The following BAIAP2L2 variants were observed in gnomAD, a reference collection of about 807,000 sequenced individuals.
The protein encoded by BAIAP2L2 is BAR/IMD domain-containing adapter protein 2-like 2.
A neutral mutation model predicts 60.4 loss-of-function variants in BAIAP2L2; 65 were observed. That is an observed-to-expected ratio of 1.08 (90% CI 0.88 to 1.32). The LOEUF is 1.32. Among genes scored for constraint, BAIAP2L2 ranks in the 40% most tolerant of loss-of-function variants. BAIAP2L2 has a pLI of 0.00. For synonymous variants in BAIAP2L2, 344 were observed against 301.7 expected (o/e 1.14, Z -1.45); for missense variants, 836 against 741.2 (o/e 1.13, Z -1.48).
At chr22:38,102,683 A>T (rs1165461195) in intron 4 of BAIAP2L2, among the ~76,000 whole-genome samples, 2 of 152,166 alleles carry the variant, frequency 1.3e-5, no homozygotes, top group Admixed American at 6.5e-5. Flanking sequence ...GCTTGAGGCC[A>T]GGAGTTCAAG....
chr22:38,102,786 T>C (rs1408109193), intron 4 of BAIAP2L2, among the ~76,000 whole-genome samples: 2 of 151,704 alleles, frequency 1.3e-5, no homozygotes, highest in East Asian at 3.9e-4. Flanking sequence ...ACACCTGTAA[T>C]CCCAGCACTC....
intron 4 of BAIAP2L2, among the ~76,000 whole-genome samples, chr22:38,102,855 C>T (rs540087539): frequency 3.8e-4 from 57 of 151,798 alleles, no homozygotes; most frequent in Admixed American, 1.3e-3. Context: ...CTGGCTAACA[C>T]GGTGAAATCC....
Position 38,086,179 on chromosome 22 carries a change from G to A in BAIAP2L2, c.1467+63C>T, listed in dbSNP as rs1306988413. The A allele has an allele frequency of 3.3e-6, 5 of 1,527,208 alleles. No homozygotes were observed. In the East Asian group the frequency reaches 1.2e-4, roughly 36 times the overall value. The allele number at this position is 1,527,208 out of a possible 1,614,324, so 94.6% of individuals were successfully genotyped here. On this transcript the variant is annotated intron_variant, in intron 12 of 13. Transcript: ENST00000381669. ...CAGACAGCCGGTGACAGAGCCTCGG[G>A]ATCCCTGCTCTCCTGCCTCCCTGCC...
chr22:38,106,897 G>A (rs1055964011), intron 4 of BAIAP2L2, among the ~76,000 whole-genome samples: 3 of 152,172 alleles, frequency 2.0e-5, no homozygotes, highest in Non-Finnish European at 2.9e-5. Flanking sequence ...CTGGAGCTAC[G>A]GAGAGGAAGG....
Position 38,109,156 on chromosome 22 carries a change from T to C in BAIAP2L2, c.104A>G (p.Asn35Ser), listed in dbSNP as rs1377619884. ...ACCGTGGAAGGCACGCAGGTAGTTG[T>C]TGCCCAGGTACACCAGGTTCTCCAG... is the stretch of plus-strand genomic sequence containing the variant. ...PALENLVYLG[N>S]NYLRAFHALS... Residue 35 changes from asparagine (N) to serine (S), a missense_variant, in exon 2 of 14, where the codon AAC (asparagine) becomes AGC (serine). Coordinates refer to ENST00000381669, the MANE Select transcript of BAIAP2L2 (RefSeq NM_025045.6). 3 of 1,613,144 alleles carry C rather than the reference T, an allele frequency of 1.9e-6. No individual in the cohort carries two copies. The highest frequency in any genetic ancestry group is 2.7e-5 in the African/African-American group (2 of 74,944).
intron 4 of BAIAP2L2, among the ~76,000 whole-genome samples, chr22:38,100,234 T>C (rs1243530838): frequency 1.3e-5 from 2 of 152,194 alleles, no homozygotes; most frequent in Non-Finnish European, 2.9e-5. Context: ...CTAGTGTGAA[T>C]GTCACAGCAC....
chr22:38,099,530 T>A (rs1402511329), intron 4 of BAIAP2L2, among the ~76,000 whole-genome samples: 12 of 150,670 alleles, frequency 8.0e-5, no homozygotes, highest in Admixed American at 7.9e-4. Flanking sequence ...TGAAACTCTG[T>A]CTCAAAAGAA....
chr22:38,100,119 C>T (rs1170163999), intron 4 of BAIAP2L2, among the ~76,000 whole-genome samples: 1 of 152,124 alleles, frequency 6.6e-6, no homozygotes, highest in Non-Finnish European at 1.5e-5. Flanking sequence ...CAGAGTGATA[C>T]AACGGTGAAC....
chr22:38,109,768 C>A lies in BAIAP2L2; in HGVS notation c.52-560G>T, dbSNP rs974476230. On this transcript the variant is annotated intron_variant, in intron 1 of 13. Coordinates refer to ENST00000381669, the MANE Select transcript of BAIAP2L2 (RefSeq NM_025045.6). ...TGGTGAAGACGGGCCTGGACTTGGG[C>A]CTGGACTTGGACTTGGGTCTCGGTT... Among the ~76,000 whole-genome samples the A allele has an allele frequency of 1.3e-5, 2 of 152,138 alleles. 1 individual carries two copies. Among genetic ancestry groups the A allele is most frequent in the South Asian group, 4.2e-4 (2 of 4,812 alleles).
intron 2 of BAIAP2L2, 92 bp downstream of exon 2, chr22:38,109,041 G>A (rs564734888): frequency 1.8e-6 from 2 of 1,098,940 alleles, no homozygotes; most frequent in Non-Finnish European, 2.8e-6. Flanking sequence ...AGGATGAACA[G>A]GTGTGGGATG....
Position 38,089,174 on chromosome 22 carries a change from A to AGGAGCC in BAIAP2L2, c.817_822dup (p.Gly273_Ser274dup), listed in dbSNP as rs745901890. On this transcript the variant is annotated inframe_insertion, in exon 9 of 14. Transcript: ENST00000381669. ...GGCCTCGCGTCGGGCTCGGTGCCGTAGGAGCCGGAGCCGTGCCGGCTGCGG... is the reference window on the plus strand; with the variant it reads ...GGCCTCGCGTCGGGCTCGGTGCCGTAGGAGCCGGAGCCGGAGCCGTGCCGGCTGCGG... 2.3e-5 allele frequency: 30 copies of AGGAGCC among 1,308,980 alleles called. No homozygotes were observed. The highest frequency in any genetic ancestry group is 1.5e-5 in the Non-Finnish European group (15 of 1,032,462). 81.1% of individuals were successfully genotyped at this position (1,308,980 alleles called of 1,614,324 possible).
chr22:38,108,034 C>T (rs548865153), intron 3 of BAIAP2L2, 121 bp from the exon 4 acceptor site: 223 of 1,147,702 alleles, frequency 1.9e-4, no homozygotes, highest in Admixed American at 1.5e-3. Flanking sequence ...GACCAAAGTC[C>T]GGGAACTTCC....
At chr22:38,087,373 T>C in intron 10 of BAIAP2L2, 109 bp from the exon 11 acceptor site, 2 of 1,289,404 alleles carry the variant, frequency 1.6e-6, no homozygotes, top group Non-Finnish European at 2.2e-6. Context: ...TCACCTCGAA[T>C]TGACAGACTA....
intron 10 of BAIAP2L2, among the ~76,000 whole-genome samples, chr22:38,088,166 C>CCCGT (rs2086157732): frequency 6.6e-6 from 1 of 152,214 alleles, no homozygotes; most frequent in Admixed American, 6.5e-5. Flanking sequence ...CCCCATCTGC[C>CCCGT]CCGTTTTCCC....
At chr22:38,092,300 C>G (rs184781617) in intron 7 of BAIAP2L2, among the ~76,000 whole-genome samples, 1 of 152,094 alleles carries the variant, frequency 6.6e-6, no homozygotes, top group African/African-American at 2.4e-5. Flanking sequence ...AGAGAGAGAG[C>G]GAGCCTTGCT....
At chr22:38,104,514 G>A (rs78782747) in intron 4 of BAIAP2L2, among the ~76,000 whole-genome samples, 1 of 102,590 alleles carries the variant, frequency 9.7e-6, no homozygotes, top group African/African-American at 3.6e-5. Flanking sequence ...TTTTTTTTTT[G>A]AGACGGAGTA....
chr22:38,104,497 T>C (rs2086623949), intron 4 of BAIAP2L2, among the ~76,000 whole-genome samples: 1 of 123,722 alleles, frequency 8.1e-6, no homozygotes, highest in South Asian at 2.9e-4. Flanking sequence ...CTCAAATTTC[T>C]TTTTTTTTTT....
rs1555961923 is a variant in BAIAP2L2 at position 38,087,164 on chromosome 22, G to GT, written c.1218_1219insA (p.Pro407ThrfsTer26). On this transcript the variant is annotated frameshift_variant, in exon 11 of 14. Coordinates refer to ENST00000381669, the MANE Select transcript of BAIAP2L2 (RefSeq NM_025045.6). LOFTEE classifies it high-confidence loss of function. Reference sequence around the variant, plus strand: ...TTCCCGGGGTTCATGGGTGTCATGGGGGACATGGAGGTCATGGAGGTCATG... The same window carrying GT: ...TTCCCGGGGTTCATGGGTGTCATGGGTGGACATGGAGGTCATGGAGGTCATG... 5.1e-6 allele frequency: 8 copies of GT among 1,564,464 alleles called. No homozygotes were observed. In the South Asian group the frequency reaches 9.2e-5, roughly 18 times the overall value.
Position 38,087,220 on chromosome 22 carries a change from C to CCCTCCTCCAGAGCCTTCACGTACG in BAIAP2L2, c.1139_1162dup (p.Ala380_Glu387dup). On this transcript the variant is annotated inframe_insertion, in exon 11 of 14. Transcript: ENST00000381669. Reference sequence around the variant, plus strand: ...CACGGGGGTCATGGGATTCACGGGCCCCTCCTCCAGAGCCTTCACGTACGC... The same window carrying CCCTCCTCCAGAGCCTTCACGTACG: ...CACGGGGGTCATGGGATTCACGGGCCCCTCCTCCAGAGCCTTCACGTACGCCTCCTCCAGAGCCTTCACGTACGC... The CCCTCCTCCAGAGCCTTCACGTACG allele has an allele frequency of 6.2e-7, 1 of 1,605,472 alleles. No homozygotes were observed. The highest frequency in any genetic ancestry group is 8.5e-7 in the Non-Finnish European group (1 of 1,176,570).
Sources: gnomAD v4.1 joint callset for allele counts (sites outside exome capture counted in the v4.1 genomes callset) on GRCh38, gnomAD v4.1.1 for gene constraint, MANE v1.5 for transcripts, NCBI Gene and HGNC (gene_info 2026-07-23, HGNC 2026-07-21) for gene names.